TBC1D32: variants seen among roughly 807,000 people sequenced by gnomAD.
TBC1D32 encodes protein broad-minded.
TBC1D32 carries 151 observed loss-of-function variants against 170.3 expected under a neutral mutation model. The observed-to-expected ratio is 0.89, with a 90% confidence interval of 0.78 to 1.01. TBC1D32 has a LOEUF of 1.01. Among genes scored for constraint, TBC1D32 ranks in the 50% least tolerant of loss-of-function variants. TBC1D32 has a pLI of 0.00. For synonymous variants in TBC1D32, 498 were observed against 488.0 expected (o/e 1.02, Z -0.27); for missense variants, 1,464 against 1,457.1 (o/e 1.00, Z -0.08).
At chr6:121,248,586 A>T (rs1157907855) in intron 17 of TBC1D32, among the ~76,000 whole-genome samples, 1 of 152,036 alleles carries the variant, frequency 6.6e-6, no homozygotes, top group Non-Finnish European at 1.5e-5. Context: ...AAAAAAGCAG[A>T]TCCAAATAAG....
At chr6:121,247,583 C>T (rs1257070773) in intron 17 of TBC1D32, among the ~76,000 whole-genome samples, 2 of 148,564 alleles carry the variant, frequency 1.3e-5, no homozygotes, top group Non-Finnish European at 3.0e-5. Context: ...TCACTTAACA[C>T]ATGACTCACA....
At chr6:121,137,024 T>C (rs1191179395) in intron 24 of TBC1D32, among the ~76,000 whole-genome samples, 1 of 152,110 alleles carries the variant, frequency 6.6e-6, no homozygotes, top group Non-Finnish European at 1.5e-5. Context: ...CTCTAATGAC[T>C]ATATTATGGT....
intron 21 of TBC1D32, among the ~76,000 whole-genome samples, chr6:121,219,025 C>A (rs2128323130): frequency 6.6e-6 from 1 of 152,222 alleles, no homozygotes; most frequent in South Asian, 2.1e-4. Context: ...AGCAGCATGA[C>A]AAACTAATAC....
At chr6:121,291,210 G>GCATCA (rs1804812660) in intron 12 of TBC1D32, among the ~76,000 whole-genome samples, 1 of 151,846 alleles carries the variant, frequency 6.6e-6, no homozygotes, top group Non-Finnish European at 1.5e-5. Context: ...TACAGTTTAG[G>GCATCA]CGGTGATCAG....
intron 30 of TBC1D32, among the ~76,000 whole-genome samples, chr6:121,094,772 A>G (rs940929671): frequency 3.9e-5 from 6 of 152,090 alleles, no homozygotes; most frequent in Admixed American, 6.6e-5. Context: ...ATAAACCACA[A>G]TTTATTCAAT....
Position 121,304,806 on chromosome 6 carries a change from T to C in TBC1D32, c.718A>G (p.Thr240Ala). The C allele has an allele frequency of 6.2e-7, 1 of 1,610,304 alleles. No homozygotes were observed. Among genetic ancestry groups the C allele is most frequent in the Non-Finnish European group, 8.5e-7 (1 of 1,178,622 alleles). ...ATATGTAATGGAGAAAGCAAAAATG[T>C]CTGTGCACAGAATTTTAAAATCCGG... Reference protein sequence around the residue: ...SDRILKFCAQTFLLSPLHMTK... With the variant: ...SDRILKFCAQAFLLSPLHMTK... The change falls in exon 6 of 32, where the codon ACA (threonine) becomes GCA (alanine). Residue 240 changes from threonine (T) to alanine (A), a missense_variant. Around this residue, in one of 3 missense-constraint regions of TBC1D32, gnomAD observed 1,363 missense variants for 1,338.1 expected, o/e 1.02. Transcript: ENST00000398212.
At chr6:121,311,604 C>T (rs540198335) in intron 3 of TBC1D32, among the ~76,000 whole-genome samples, 2 of 151,700 alleles carry the variant, frequency 1.3e-5, no homozygotes, top group African/African-American at 2.4e-5. Flanking sequence ...GGCACGTGCC[C>T]GTACTCCCAG....
intron 31 of TBC1D32, among the ~76,000 whole-genome samples, chr6:121,083,295 A>C (rs1775839595): frequency 6.6e-6 from 1 of 152,034 alleles, no homozygotes; most frequent in African/African-American, 2.4e-5. Flanking sequence ...TTGCTCAAGA[A>C]ATTTTTTTAA....
intron 15 of TBC1D32, among the ~76,000 whole-genome samples, chr6:121,259,602 A>G (rs981778184): frequency 6.6e-6 from 1 of 152,206 alleles, no homozygotes; most frequent in African/African-American, 2.4e-5. Flanking sequence ...AAACCCCCAA[A>G]GACAAGGAGA....
At chr6:121,179,250 A>T (rs1411309495) in intron 22 of TBC1D32, among the ~76,000 whole-genome samples, 1 of 151,044 alleles carries the variant, frequency 6.6e-6, no homozygotes, top group Non-Finnish European at 1.5e-5. Flanking sequence ...AAATATGTAT[A>T]TTTATTTTAT....
intron 12 of TBC1D32, 143 bp downstream of exon 12, chr6:121,291,910 A>C (rs79604592): frequency 1.2e-6 from 1 of 802,606 alleles, no homozygotes; most frequent in East Asian, 3.7e-5. Flanking sequence ...CAAATACTTC[A>C]AAGTGTATAA....
rs765764169 is a variant in TBC1D32 at position 121,126,346 on chromosome 6, C to CT, written c.2983+31dup. ...TTAATTATCTAGTTACATACTGAGT[C>CT]TTTTTCAAACTTCACAATGTTTAAA... On this transcript the variant is annotated intron_variant, in intron 26 of 31. Coordinates refer to ENST00000398212, the MANE Select transcript of TBC1D32 (RefSeq NM_152730.6). The CT allele has an allele frequency of 2.0e-5, 30 of 1,511,776 alleles. No individual in the cohort carries two copies. The Admixed American group carries it at 5.2e-4, about 26-fold the overall frequency. 93.6% of individuals were successfully genotyped at this position (1,511,776 alleles called of 1,614,324 possible). A position where few individuals can be genotyped will look rare whatever the true frequency, so the allele number is the denominator to read the frequency against.
chr6:121,296,477 T>C (rs1226420522), intron 10 of TBC1D32, among the ~76,000 whole-genome samples: 1 of 152,162 alleles, frequency 6.6e-6, no homozygotes, highest in Non-Finnish European at 1.5e-5. Context: ...AAAATCATTA[T>C]CTTTTCCAGC....
chr6:121,158,230 C>T (rs2128241361), intron 24 of TBC1D32, among the ~76,000 whole-genome samples: 1 of 152,242 alleles, frequency 6.6e-6, no homozygotes, highest in African/African-American at 2.4e-5. Flanking sequence ...TTAGTTGATT[C>T]AAGAACCAGT....
intron 17 of TBC1D32, among the ~76,000 whole-genome samples, chr6:121,248,916 A>G (rs1797957705): frequency 6.6e-6 from 1 of 151,930 alleles, no homozygotes; most frequent in South Asian, 2.1e-4. Context: ...ACTATTCCAA[A>G]AGATAAAGAG....
chr6:121,179,264 T>C (rs1197988142), intron 22 of TBC1D32, among the ~76,000 whole-genome samples: 1 of 150,680 alleles, frequency 6.6e-6, no homozygotes. Context: ...ATTTTATATA[T>C]GAAGACAAAA....
chr6:121,169,330 A>G (rs1323634935), intron 22 of TBC1D32, among the ~76,000 whole-genome samples: 2 of 152,186 alleles, frequency 1.3e-5, no homozygotes, highest in East Asian at 3.8e-4. Context: ...AGGATTCTCT[A>G]CTTAATAAAT....
At chr6:121,290,095 A>T (rs1310886962) in intron 12 of TBC1D32, among the ~76,000 whole-genome samples, 2 of 152,212 alleles carry the variant, frequency 1.3e-5, no homozygotes, top group East Asian at 1.9e-4. Flanking sequence ...ATGGACAAGG[A>T]CTTCATGTCT....
At chr6:121,116,259 T>C (rs140249876) in intron 26 of TBC1D32, among the ~76,000 whole-genome samples, 2 of 152,076 alleles carry the variant, frequency 1.3e-5, no homozygotes, top group African/African-American at 4.8e-5. Flanking sequence ...ATCCCCTTAG[T>C]AAATCATCTC....
Sources: gnomAD v4.1 joint callset for allele counts (sites outside exome capture counted in the v4.1 genomes callset) on GRCh38, gnomAD v4.1.1 for gene constraint, gnomAD v4.1.1 regional missense constraint, MANE v1.5 for transcripts, NCBI Gene and HGNC (gene_info 2026-07-23, HGNC 2026-07-21) for gene names.